ADAM20: variants seen among roughly 807,000 people sequenced by gnomAD.
ADAM20 encodes disintegrin and metalloproteinase domain-containing protein 20.
For synonymous variants in ADAM20, 305 were observed against 310.2 expected (o/e 0.98, Z 0.18); for missense variants, 871 against 883.2 (o/e 0.99, Z 0.18).
At chr14:70,578,252 C>T in the ADAM20 span, among the ~76,000 whole-genome samples, 1 of 152,042 alleles carries the variant, frequency 6.6e-6, no homozygotes, top group Non-Finnish European at 1.5e-5. Flanking sequence ...AAAGGATACC[C>T]TATTCAGTAA....
chr14:70,523,558 A>T lies in ADAM20; in HGVS notation c.1200T>A (p.Tyr400Ter). ...SSGLCIQPPP[Y>*]PGNIFRLKYC... ...ACTTCAGTCTAAATATATTCCCTGG[A>T]TATGGAGGCGGTTGAATACATAATC... is the stretch of plus-strand genomic sequence containing the variant. Residue 400 changes from tyrosine (Y) to a stop codon, truncating the protein, a stop_gained, in exon 2 of 2, where the codon TAT (tyrosine) becomes TAA (stop). Transcript: ENST00000256389. LOFTEE classifies it low-confidence loss of function (END_TRUNC). 6.2e-7 allele frequency: 1 copy of T among 1,614,082 alleles called. No individual in the cohort carries two copies. Among genetic ancestry groups the T allele is most frequent in the Non-Finnish European group, 8.5e-7 (1 of 1,179,974 alleles).
At chr14:70,555,831 G>C in the ADAM20 span, among the ~76,000 whole-genome samples, 1 of 152,060 alleles carries the variant, frequency 6.6e-6, no homozygotes, top group Non-Finnish European at 1.5e-5. Flanking sequence ...CTTAGTTTCT[G>C]GTTCAATTCC....
rs570589957 is a variant in ADAM20, at chr14:70,523,082, A to G, written c.1676T>C (p.Ile559Thr). The G allele has an allele frequency of 6.2e-6, 10 of 1,613,946 alleles. No individual in the cohort carries two copies. The East Asian group carries it at 2.2e-4, about 36-fold the overall frequency. The change falls in exon 2 of 2, where the codon ATC (isoleucine) becomes ACC (threonine). Residue 559 changes from isoleucine (I) to threonine (T), a missense_variant. Physicochemically the swap from Ile to Thr is moderately conservative, Grantham distance 89. Transcript: ENST00000256389. ...TTYVKCWTPD[I>T]MCGRVQCENV... is the part of the protein sequence containing the mutation. ...TTCACACTGAACCCTCCCACACATG[A>G]TATCAGGGGTCCAACATTTTACATA...
Position 70,524,445 on chromosome 14 carries a change from T to C in ADAM20, c.313A>G (p.Ile105Val), listed in dbSNP as rs770174303. The C allele has an allele frequency of 6.2e-6, 10 of 1,613,906 alleles. No homozygotes were observed. The highest frequency in any genetic ancestry group is 8.5e-6 in the Non-Finnish European group (10 of 1,179,938). The change falls in exon 2 of 2, where the codon ATC becomes GTC. Residue 105 changes from isoleucine to valine, a missense_variant. By Grantham distance (29) the Ile-to-Val change is conservative. Coordinates refer to ENST00000256389, the MANE Select transcript of ADAM20 (RefSeq NM_003814.5). ...CCATGGTAGTAGCAGTCATCCTGGA[T>C]GAAGGGCTGATCCTGGAGCAGGGCA... The part of the protein sequence containing the change: ...QHALLQDQPF[I>V]QDDCYYHGYV...
At chr14:70,525,464 T>A (rs1222229411) in intron 1 of ADAM20, among the ~76,000 whole-genome samples, 1 of 152,082 alleles carries the variant, frequency 6.6e-6, no homozygotes, top group Non-Finnish European at 1.5e-5. Context: ...TCAAGTGATC[T>A]TCTTGTCTCA....
the ADAM20 span, among the ~76,000 whole-genome samples, chr14:70,572,060 A>AT: frequency 6.6e-6 from 1 of 152,222 alleles, no homozygotes; most frequent in South Asian, 2.1e-4. Flanking sequence ...CTGCCAAAAG[A>AT]TATCTACAGA....
At chr14:70,539,981 G>C (rs894531204), upstream of ADAM20, among the ~76,000 whole-genome samples, 7 of 152,162 alleles carry the variant, frequency 4.6e-5, no homozygotes, top group Non-Finnish European at 5.9e-5. Flanking sequence ...GATCCGCCTG[G>C]GAACAAAGAG....
the ADAM20 span, among the ~76,000 whole-genome samples, chr14:70,578,903 A>G: frequency 6.6e-6 from 1 of 152,052 alleles, no homozygotes; most frequent in Non-Finnish European, 1.5e-5. Flanking sequence ...TGTGCACTCA[A>G]TGTATAGCTC....
chr14:70,563,969 C>A, the ADAM20 span, among the ~76,000 whole-genome samples: 2 of 152,342 alleles, frequency 1.3e-5, no homozygotes. Flanking sequence ...GTCCCTCCCC[C>A]AAACTGGCTT....
At chr14:70,566,037 C>G in the ADAM20 span, among the ~76,000 whole-genome samples, 1 of 151,972 alleles carries the variant, frequency 6.6e-6, no homozygotes, top group Non-Finnish European at 1.5e-5. Context: ...AAGTTCATCA[C>G]CACTATGTTT....
chr14:70,567,484 G>A, the ADAM20 span, among the ~76,000 whole-genome samples: 1 of 152,134 alleles, frequency 6.6e-6, no homozygotes, highest in Admixed American at 6.5e-5. Context: ...ATGGAGAGAG[G>A]GACATCTCCC....
chr14:70,527,430 C>A (rs1396797060), intron 1 of ADAM20, among the ~76,000 whole-genome samples: 1 of 152,102 alleles, frequency 6.6e-6, no homozygotes, highest in Non-Finnish European at 1.5e-5. Context: ...ATACTCAAAT[C>A]TCTACTAACC....
the ADAM20 span, among the ~76,000 whole-genome samples, chr14:70,565,805 C>T: frequency 6.6e-6 from 1 of 152,050 alleles, no homozygotes. Context: ...GGAAGATGTA[C>T]ATGGTCTATA....
chr14:70,537,765 G>A (rs1883866789), upstream of ADAM20, among the ~76,000 whole-genome samples: 1 of 152,112 alleles, frequency 6.6e-6, no homozygotes, highest in African/African-American at 2.4e-5. Context: ...TATGCATTTA[G>A]TTTTTTATTG....
intron 1 of ADAM20, among the ~76,000 whole-genome samples, chr14:70,532,108 A>G (rs1697745467): frequency 6.6e-6 from 1 of 152,134 alleles, no homozygotes; most frequent in South Asian, 2.1e-4. Flanking sequence ...TATTATAAAT[A>G]TACAGTAGTA....
chr14:70,567,340 G>A, the ADAM20 span, among the ~76,000 whole-genome samples: 1 of 152,172 alleles, frequency 6.6e-6, no homozygotes, highest in Non-Finnish European at 1.5e-5. Context: ...GAAGTTGTGA[G>A]GCCCCTGGAG....
intron 1 of ADAM20, among the ~76,000 whole-genome samples, chr14:70,532,959 T>C (rs926286597): frequency 2.6e-5 from 4 of 152,168 alleles, no homozygotes; most frequent in African/African-American, 7.2e-5. Context: ...TCACTAATCA[T>C]GAGAAAATAC....
At chr14:70,559,530 A>G in the ADAM20 span, among the ~76,000 whole-genome samples, 2 of 152,200 alleles carry the variant, frequency 1.3e-5, no homozygotes, top group African/African-American at 4.8e-5. Flanking sequence ...TTCTGTTTTA[A>G]TATGAGTCAT....
upstream of ADAM20, among the ~76,000 whole-genome samples, chr14:70,535,475 T>C (rs941010593): frequency 7.9e-5 from 12 of 152,224 alleles, no homozygotes; most frequent in African/African-American, 2.4e-4. Context: ...ATTTTAAACA[T>C]GTAAACATTC....
Sources: allele counts gnomAD v4.1 joint callset (sites outside exome capture counted in the v4.1 genomes callset), GRCh38; gene constraint gnomAD v4.1.1; transcripts MANE v1.5; gene names NCBI Gene and HGNC (gene_info 2026-07-23, HGNC 2026-07-21).